The following GPC5 variants were observed in gnomAD, a reference collection of about 807,000 sequenced individuals.
The protein encoded by GPC5 is glypican 5, also known as glypican-5.
Under a neutral mutation model 53.9 loss-of-function variants are expected in GPC5, and 47 were observed. The observed-to-expected ratio is 0.87, with a 90% CI of 0.69 to 1.11. The LOEUF (loss-of-function observed/expected upper bound fraction) is 1.11, where lower values mean the gene tolerates loss of function less well. GPC5 is among the 50% of genes most tolerant of loss of function. The pLI, the probability that GPC5 is intolerant of heterozygous loss-of-function variation, is 0.00. For missense variants in GPC5, 748 were observed against 713.1 expected, an observed-to-expected ratio of 1.05 and a Z score of -0.56; for synonymous variants, 286 against 263.3, an observed-to-expected ratio of 1.09 and a Z score of -0.84.
intron 2 of GPC5, among the ~76,000 whole-genome samples, chr13:91,602,533 T>C (rs1336099666): frequency 1.3e-5 from 2 of 152,214 alleles, no homozygotes; most frequent in Non-Finnish European, 2.9e-5. Context: ...CACCAAAAAA[T>C]ATGCAGCAAA....
At chr13:91,751,054 G>A (rs1301898521) in intron 4 of GPC5, among the ~76,000 whole-genome samples, 1 of 151,974 alleles carries the variant, frequency 6.6e-6, no homozygotes, top group Non-Finnish European at 1.5e-5. Context: ...TATACCTACC[G>A]TAGATCCCTG....
At chr13:92,665,259 T>G (rs896812568) in intron 7 of GPC5, among the ~76,000 whole-genome samples, 5 of 152,180 alleles carry the variant, frequency 3.3e-5, no homozygotes, top group African/African-American at 9.7e-5. Flanking sequence ...GTTTAGTTTT[T>G]ATGCTTGTGG....
chr13:91,459,126 G>T (rs999177755), intron 2 of GPC5, among the ~76,000 whole-genome samples: 2 of 151,616 alleles, frequency 1.3e-5, no homozygotes, highest in Non-Finnish European at 2.9e-5. Flanking sequence ...TTGGGTGATG[G>T]GTGCACCAAA....
At chr13:92,529,322 T>C (rs969670278) in intron 7 of GPC5, among the ~76,000 whole-genome samples, 1 of 152,126 alleles carries the variant, frequency 6.6e-6, no homozygotes, top group African/African-American at 2.4e-5. Context: ...TAAAACAGCC[T>C]TCACCTTAAG....
rs569554316 is a variant in GPC5 at position 91,468,928 on chromosome 13, A to G, written c.325+20006A>G. 7.4e-5 allele frequency among the ~76,000 whole-genome samples: 10 copies of G among 135,324 alleles called. No homozygotes were observed. The South Asian group carries it at 2.3e-3, about 31-fold the overall frequency. 88.8% of individuals were successfully genotyped at this position (135,324 alleles called of 152,430 possible). On this transcript the variant is annotated intron_variant, in intron 2 of 7. Coordinates refer to ENST00000377067, the MANE Select transcript of GPC5 (RefSeq NM_004466.6). ...GGTTTCATTCTGTTACTCAGGCTGG[A>G]TTACAGTGATGAGATCACAGCTCAC...
intron 1 of GPC5, among the ~76,000 whole-genome samples, chr13:91,410,389 A>G (rs1442697336): frequency 5.9e-5 from 7 of 119,270 alleles, no homozygotes; most frequent in Non-Finnish European, 1.1e-4. Context: ...TCTGTCGCCC[A>G]GGCTGGAGTG....
At chr13:92,413,264 T>G (rs1194451173) in intron 7 of GPC5, among the ~76,000 whole-genome samples, 1 of 152,182 alleles carries the variant, frequency 6.6e-6, no homozygotes, top group Non-Finnish European at 1.5e-5. Context: ...GTTGTTGGTT[T>G]TACAGCTCCT....
chr13:91,909,924 C>T (rs1360313330), intron 6 of GPC5, among the ~76,000 whole-genome samples: 1 of 152,068 alleles, frequency 6.6e-6, no homozygotes, highest in African/African-American at 2.4e-5. Context: ...TTTTTAGCTT[C>T]TGTGTGAACT....
At chr13:92,787,661 T>C (rs1437830269) in intron 7 of GPC5, among the ~76,000 whole-genome samples, 1 of 54,678 alleles carries the variant, frequency 1.8e-5, no homozygotes, top group African/African-American at 1.1e-4. Context: ...AGAGACCTCA[T>C]AGCTACAAAA....
At chr13:92,506,222 G>T (rs193183221) in intron 7 of GPC5, among the ~76,000 whole-genome samples, 2 of 151,992 alleles carry the variant, frequency 1.3e-5, no homozygotes, top group Admixed American at 6.6e-5. Context: ...CAAAATAAAG[G>T]CTGTCTCTGA....
chr13:92,319,024 G>A (rs930322148), intron 7 of GPC5, among the ~76,000 whole-genome samples: 4 of 152,072 alleles, frequency 2.6e-5, no homozygotes, highest in African/African-American at 7.2e-5. Context: ...GAAGAGAGTA[G>A]GGCAAAGACC....
intron 5 of GPC5, among the ~76,000 whole-genome samples, chr13:91,844,213 G>A (rs988039359): frequency 1.3e-5 from 2 of 152,144 alleles, no homozygotes; most frequent in South Asian, 4.1e-4. Flanking sequence ...TTAAGGAAAA[G>A]GAGTGGTAAT....
intron 7 of GPC5, among the ~76,000 whole-genome samples, chr13:92,536,965 A>T (rs924958130): frequency 1.8e-4 from 28 of 152,022 alleles, no homozygotes; most frequent in Non-Finnish European, 1.6e-4. Context: ...TGCTTTGTTC[A>T]TATTTATCAA....
chr13:92,203,291 G>A (rs1264201128), intron 7 of GPC5, among the ~76,000 whole-genome samples: 5 of 149,744 alleles, frequency 3.3e-5, no homozygotes, highest in Non-Finnish European at 1.5e-5. Flanking sequence ...TATACACCAT[G>A]GAATACTATG....
At chr13:91,814,061 T>C (rs1594587572) in intron 5 of GPC5, among the ~76,000 whole-genome samples, 1 of 149,318 alleles carries the variant, frequency 6.7e-6, no homozygotes, top group East Asian at 2.0e-4. Flanking sequence ...GCCTCCCAAA[T>C]AGCTGGGACT....
Position 92,004,489 on chromosome 13 carries a change from T to TATATATATATATATATAA in GPC5, c.1401+96433_1401+96434insTATATATATATATATAAA, listed in dbSNP as rs1440395882. Reference sequence around the variant, plus strand: ...ATATATATATATATATATATATATATAATTACACTATAGCTTTTCATGCAA... The same window carrying TATATATATATATATATAA: ...ATATATATATATATATATATATATATATATATATATATATATAAAATTACACTATAGCTTTTCATGCAA... On this transcript the variant is annotated intron_variant, in intron 6 of 7. Coordinates refer to ENST00000377067, the MANE Select transcript of GPC5 (RefSeq NM_004466.6). Among the ~76,000 whole-genome samples, 521 of 122,582 alleles carry TATATATATATATATATAA rather than the reference T, an allele frequency of 4.3e-3. 32 individuals carry two copies. The highest frequency in any genetic ancestry group is 0.017 in the African/African-American group (483 of 28,692). The allele number at this position is 122,582 out of a possible 152,430, so 80.4% of individuals were successfully genotyped here.
chr13:92,223,287 C>A (rs2042462429), intron 7 of GPC5, among the ~76,000 whole-genome samples: 1 of 152,126 alleles, frequency 6.6e-6, no homozygotes, highest in African/African-American at 2.4e-5. Context: ...GTTAGCTACA[C>A]CCTAGTAATT....
chr13:91,421,510 TG>T (rs1245573309), intron 1 of GPC5, among the ~76,000 whole-genome samples: 1 of 152,018 alleles, frequency 6.6e-6, no homozygotes, highest in Non-Finnish European at 1.5e-5. Flanking sequence ...ATGATAAAAG[TG>T]AATAAAGGAA....
At chr13:91,636,109 T>C in intron 2 of GPC5, among the ~76,000 whole-genome samples, 1 of 152,244 alleles carries the variant, frequency 6.6e-6, no homozygotes, top group South Asian at 2.1e-4. Context: ...ATTTTCAAGT[T>C]ATATGATACA....
Sources: allele counts gnomAD v4.1 joint callset (sites outside exome capture counted in the v4.1 genomes callset), GRCh38; gene constraint gnomAD v4.1.1; transcripts MANE v1.5; gene names NCBI Gene and HGNC (gene_info 2026-07-23, HGNC 2026-07-21).